Variants in AGAP3 observed in about 807,000 individuals in gnomAD.
AGAP3 encodes ArfGAP with GTPase domain, ankyrin repeat and PH domain 3.
Under a neutral mutation model 96.9 loss-of-function variants are expected in AGAP3, and 24 were observed. That is an observed-to-expected ratio of 0.25 (90% CI 0.18 to 0.35). The LOEUF (loss-of-function observed/expected upper bound fraction) is 0.35. Among genes scored for constraint, AGAP3 ranks in the 10% least tolerant of loss-of-function variants. AGAP3 has a pLI of 1.00. For synonymous variants in AGAP3, 563 were observed against 536.1 expected (o/e 1.05, Z -0.69); for missense variants, 876 against 1,254.2 (o/e 0.70, Z 4.55).
At chr7:151,115,029 CG>C (rs1328619932) in intron 1 of AGAP3, 6 of 992,106 alleles carry the variant, frequency 6.0e-6, no homozygotes, top group African/African-American at 3.5e-5. Context: ...CCTCGGCCGC[CG>C]GGGCCTGGCG....
At chr7:151,106,465 C>G (rs1010152344) in intron 1 of AGAP3, among the ~76,000 whole-genome samples, 2 of 152,178 alleles carry the variant, frequency 1.3e-5, no homozygotes, top group South Asian at 4.2e-4. Flanking sequence ...TACAGGCATG[C>G]AACACCAGCC....
chr7:151,125,907 A>G (rs939175361), intron 9 of AGAP3, among the ~76,000 whole-genome samples: 1 of 152,124 alleles, frequency 6.6e-6, no homozygotes, highest in Non-Finnish European at 1.5e-5. Flanking sequence ...CGCCGTTCCC[A>G]TTCCGCCCCA....
At chr7:151,115,911 T>C (rs1425951117) in intron 1 of AGAP3, among the ~76,000 whole-genome samples, 1 of 152,102 alleles carries the variant, frequency 6.6e-6, no homozygotes, top group African/African-American at 2.4e-5. Flanking sequence ...CTTTCCTAGT[T>C]CCCTGTCGGG....
At chr7:151,095,754 C>A (rs1278767869) in intron 1 of AGAP3, among the ~76,000 whole-genome samples, 1 of 147,370 alleles carries the variant, frequency 6.8e-6, no homozygotes, top group African/African-American at 2.5e-5. Context: ...GCCCCAGAGC[C>A]TTTGTTTGAG....
At position 151,114,306 on chromosome 7, in the gene AGAP3, C is replaced by G. The variant is rs1165808334; in HGVS notation, c.332-2487C>G. Among the ~76,000 whole-genome samples, 1 of 152,228 alleles carries G rather than the reference C, an allele frequency of 6.6e-6. No homozygotes were observed. The highest frequency in any genetic ancestry group is 2.4e-5 in the African/African-American group (1 of 41,466). ...CACTCAGGCTTGTCATACTTCTGGG[C>G]CTCATGTTCTTGGCTCTTCTGGCTC... On this transcript the variant is annotated intron_variant, in intron 1 of 17. Transcript: ENST00000397238. The surrounding 1 kb of genome is among the most constrained non-coding windows in gnomAD (Gnocchi z 4.4).
At position 151,086,939 on chromosome 7, in the gene AGAP3, C is replaced by G; in HGVS notation, c.198C>G (p.Ser66=). Residue 66 remains serine (S), a synonymous_variant, in exon 1 of 18, where the codon TCC becomes TCG. Coordinates refer to ENST00000397238, the MANE Select transcript of AGAP3 (RefSeq NM_031946.7). ...GPPQQFALSN[S]AAIRAEIQRF... ...CCCAGCAGTTCGCGCTCTCCAACTC[C>G]GCGGCCATCCGGGCCGAGATCCAGC... is the stretch of plus-strand genomic sequence containing the variant. The G allele has an allele frequency of 6.2e-7, 1 of 1,610,276 alleles. No individual in the cohort carries two copies. Among genetic ancestry groups the G allele is most frequent in the Non-Finnish European group, 8.5e-7 (1 of 1,178,570 alleles).
At chr7:151,128,454 C>T (rs1800269589) in intron 9 of AGAP3, 126 bp from the exon 10 acceptor site, 1 of 741,262 alleles carries the variant, frequency 1.3e-6, no homozygotes, top group Non-Finnish European at 2.3e-6. Context: ...TTAAAGGCTG[C>T]TTTGCTCAAA....
At chr7:151,115,561 G>C in intron 1 of AGAP3, 1 of 1,128,360 alleles carries the variant, frequency 8.9e-7, no homozygotes, top group Non-Finnish European at 1.1e-6. Flanking sequence ...AGCCGCTTCC[G>C]CCGGAGGGAG....
intron 1 of AGAP3, among the ~76,000 whole-genome samples, chr7:151,105,792 CCACACA>C (rs60071807): frequency 0.016 from 439 of 26,914 alleles, 11 homozygotes; most frequent in African/African-American, 0.094. Context: ...CCCCCCGACA[CCACACA>C]CACACACACA....
chr7:151,128,536 C>T lies in AGAP3; in HGVS notation c.1222-44C>T, dbSNP rs951228183. ...TCGTGACCTCCTCATGCCCTATGAC[C>T]TAGGGGGCTGGCTCCTGGTTTCTGA... On this transcript the variant is annotated intron_variant, in intron 9 of 17. Transcript: ENST00000397238. 3.8e-6 allele frequency: 6 copies of T among 1,560,610 alleles called. No individual in the cohort carries two copies. In the African/African-American group the frequency reaches 5.4e-5, roughly 14 times the overall value.
At chr7:151,127,517 C>T (rs913233908) in intron 9 of AGAP3, among the ~76,000 whole-genome samples, 1 of 152,142 alleles carries the variant, frequency 6.6e-6, no homozygotes, top group African/African-American at 2.4e-5. Flanking sequence ...CTTGAAGTCT[C>T]CAGGGAGCAC....
chr7:151,091,247 G>A (rs908905844), intron 1 of AGAP3, among the ~76,000 whole-genome samples: 1 of 152,198 alleles, frequency 6.6e-6, no homozygotes, highest in Non-Finnish European at 1.5e-5. Context: ...GATGGGTGCC[G>A]GGGACATGCA....
At chr7:151,121,574 G>A (rs920490032) in intron 8 of AGAP3, among the ~76,000 whole-genome samples, 3 of 151,670 alleles carry the variant, frequency 2.0e-5, no homozygotes, top group African/African-American at 7.3e-5. Flanking sequence ...CCTCTCCTCC[G>A]CCCACGCCCA....
chr7:151,123,416 C>T (rs1162029352), intron 8 of AGAP3: 3 of 1,091,718 alleles, frequency 2.7e-6, no homozygotes, highest in Admixed American at 4.7e-5. Context: ...CATCTGCCCG[C>T]TCACTTGTGG....
At chr7:151,106,287 T>C (rs1799052756) in intron 1 of AGAP3, among the ~76,000 whole-genome samples, 1 of 152,176 alleles carries the variant, frequency 6.6e-6, no homozygotes, top group Non-Finnish European at 1.5e-5. Context: ...TTTCCTTTTG[T>C]CTCTTCAGGC....
Position 151,096,517 on chromosome 7 carries a change from G to C in AGAP3, c.331+9445G>C, listed in dbSNP as rs1327952241. The stretch of plus-strand genomic sequence containing the variant: ...AGGTGGAGTCTCGCTCTGTCGCCCA[G>C]GCTGGAGTGCAGTGGCGCGATCTCG... On this transcript the variant is annotated intron_variant, in intron 1 of 17. Transcript: ENST00000397238. The surrounding 1 kb of genome is among the most constrained non-coding windows in gnomAD (Gnocchi z 4.4). Among the ~76,000 whole-genome samples the C allele has an allele frequency of 1.3e-5, 2 of 151,364 alleles. No homozygotes were observed. The highest frequency in any genetic ancestry group is 2.9e-5 in the Non-Finnish European group (2 of 67,902).
chr7:151,099,462 G>A (rs1798750745), intron 1 of AGAP3, among the ~76,000 whole-genome samples: 1 of 152,092 alleles, frequency 6.6e-6, no homozygotes. Context: ...TAAAAGTCTT[G>A]CTGAATTCAC....
intron 10 of AGAP3, among the ~76,000 whole-genome samples, chr7:151,130,744 G>A (rs956422078): frequency 1.3e-5 from 2 of 152,268 alleles, no homozygotes; most frequent in South Asian, 2.1e-4. Context: ...AGGCAGGGCC[G>A]GTTGTGGCTC....
intron 1 of AGAP3, among the ~76,000 whole-genome samples, chr7:151,109,619 C>T (rs1424980173): frequency 6.6e-6 from 1 of 152,186 alleles, no homozygotes; most frequent in East Asian, 1.9e-4. Context: ...TTAATTACAT[C>T]TGCAACAACC....
Sources: gnomAD v4.1 joint callset for allele counts (sites outside exome capture counted in the v4.1 genomes callset) on GRCh38, gnomAD v4.1.1 for gene constraint, Gnocchi (gnomAD v3.1) non-coding constraint, MANE v1.5 for transcripts, NCBI Gene and HGNC (gene_info 2026-07-23, HGNC 2026-07-21) for gene names.